PCGF5: variants seen among roughly 807,000 people sequenced by gnomAD.
PCGF5 encodes the protein polycomb group ring finger 5.
A neutral mutation model predicts 44.3 loss-of-function variants in PCGF5; 9 were observed. That is an observed-to-expected ratio of 0.20 (90% CI 0.12 to 0.35). The LOEUF (loss-of-function observed/expected upper bound fraction) is 0.35. Among genes scored for constraint, PCGF5 ranks in the 10% least tolerant of loss-of-function variants. The probability of loss-of-function intolerance (pLI) is 1.00; values close to 1 mark genes in which losing one functional copy is unlikely to be tolerated. For missense variants in PCGF5, 146 were observed against 305.3 expected, an observed-to-expected ratio of 0.48 and a Z score of 3.89; for synonymous variants, 95 against 102.5, an observed-to-expected ratio of 0.93 and a Z score of 0.44.
upstream of PCGF5, among the ~76,000 whole-genome samples, chr10:91,161,972 G>T (rs556660406): frequency 1.2e-4 from 18 of 152,100 alleles, no homozygotes; most frequent in African/African-American, 4.3e-4. Flanking sequence ...CCACAAGGGG[G>T]GATTCTGCTT....
At chr10:91,203,353 AACTT>A (rs145689366) in intron 1 of PCGF5, among the ~76,000 whole-genome samples, 17,811 of 152,036 alleles carry the variant, frequency 0.12, 2,934 homozygotes, top group African/African-American at 0.38. Context: ...TCCTTTGTTT[AACTT>A]ACTTTTTATT....
chr10:91,272,273 G>C (rs1009999846), intron 9 of PCGF5, among the ~76,000 whole-genome samples: 5 of 152,180 alleles, frequency 3.3e-5, no homozygotes, highest in Admixed American at 2.0e-4. Context: ...CAAGGGTATA[G>C]TAAAGATTAT....
At chr10:91,225,217 A>G (rs190100527) in intron 2 of PCGF5, among the ~76,000 whole-genome samples, 54 of 147,856 alleles carry the variant, frequency 3.7e-4, no homozygotes, top group Middle Eastern at 3.6e-3. Context: ...TATATCATAT[A>G]TTTGATATAT....
At chr10:91,241,549 T>C (rs1845327644) in intron 3 of PCGF5, among the ~76,000 whole-genome samples, 1 of 152,146 alleles carries the variant, frequency 6.6e-6, no homozygotes, top group Non-Finnish European at 1.5e-5. Flanking sequence ...CATTTCATTG[T>C]TCCCACCATA....
At chr10:91,273,619 C>G (rs1846235669) in intron 9 of PCGF5, among the ~76,000 whole-genome samples, 1 of 152,038 alleles carries the variant, frequency 6.6e-6, no homozygotes, top group Non-Finnish European at 1.5e-5. Context: ...TGAATTCTCT[C>G]TAATTTTCAA....
At chr10:91,249,280 T>C (rs1845556296) in intron 5 of PCGF5, among the ~76,000 whole-genome samples, 1 of 151,240 alleles carries the variant, frequency 6.6e-6, no homozygotes, top group Admixed American at 6.6e-5. Context: ...AGATTTCTCC[T>C]CTGGGTCCCA....
intron 1 of PCGF5, among the ~76,000 whole-genome samples, chr10:91,194,750 TAGAGA>T (rs796105943): frequency 3.3e-5 from 5 of 152,086 alleles, no homozygotes; most frequent in African/African-American, 1.2e-4. Context: ...TAAGTAGAGA[TAGAGA>T]AGAGAAGAGG....
At chr10:91,264,617 C>A in intron 8 of PCGF5, 97 bp downstream of exon 8, 1 of 928,380 alleles carries the variant, frequency 1.1e-6, no homozygotes, top group Non-Finnish European at 1.6e-6. Flanking sequence ...GACAAACTAG[C>A]TTGGGAAGGA....
At position 91,222,726 on chromosome 10, in the gene PCGF5, A is replaced by T; in HGVS notation, c.-146A>T. The T allele has an allele frequency of 1.9e-6, 1 of 526,212 alleles. No individual in the cohort carries two copies. The highest frequency in any genetic ancestry group is 3.4e-6 in the Non-Finnish European group (1 of 293,540). 32.6% of individuals were successfully genotyped at this position (526,212 alleles called of 1,614,324 possible). On this transcript the variant is annotated 5_prime_UTR_variant, in exon 2 of 10. Transcript: ENST00000336126. Reference sequence around the variant, plus strand: ...GGAACCACCAAAAGGAGTGATGATCAACGATCTCATGATAAATCTGGATGC... The same window carrying T: ...GGAACCACCAAAAGGAGTGATGATCTACGATCTCATGATAAATCTGGATGC...
upstream of PCGF5, among the ~76,000 whole-genome samples, chr10:91,159,061 T>C (rs1382580576): frequency 1.3e-5 from 2 of 152,136 alleles, no homozygotes; most frequent in Non-Finnish European, 2.9e-5. Flanking sequence ...AAATTGGAGC[T>C]AGAAAGATAA....
intron 1 of PCGF5, among the ~76,000 whole-genome samples, chr10:91,176,667 C>T (rs1330361208): frequency 1.3e-5 from 2 of 152,168 alleles, no homozygotes; most frequent in South Asian, 2.1e-4. Flanking sequence ...GATCTTCCAT[C>T]ACTGATACCC....
intron 1 of PCGF5, among the ~76,000 whole-genome samples, chr10:91,191,070 G>C (rs570555413): frequency 6.6e-6 from 1 of 152,218 alleles, no homozygotes; most frequent in South Asian, 2.1e-4. Flanking sequence ...CCCCTAGTGG[G>C]TGCCTGATAC....
At chr10:91,170,750 T>C (rs991193381) in intron 1 of PCGF5, among the ~76,000 whole-genome samples, 14 of 152,234 alleles carry the variant, frequency 9.2e-5, no homozygotes, top group Non-Finnish European at 1.9e-4. Context: ...CCAGCAGTTG[T>C]GTCCTTTGGT....
chr10:91,244,644 AT>A lies in PCGF5; in HGVS notation c.210-3859del, dbSNP rs200127654. 5.2e-3 allele frequency among the ~76,000 whole-genome samples: 787 copies of A among 152,320 alleles called. 8 individuals carry two copies. Among genetic ancestry groups the A allele is most frequent in the African/African-American group, 0.018 (743 of 41,584 alleles). ...AAGCAGGGAGAACAGTTAGAAAGTA[AT>A]TGCAATGACCCTGGTGAGCGGTGGT... On this transcript the variant is annotated intron_variant, in intron 3 of 9. Coordinates refer to ENST00000336126, the MANE Select transcript of PCGF5 (RefSeq NM_032373.5).
chr10:91,216,110 G>A (rs927873613), upstream of PCGF5, among the ~76,000 whole-genome samples: 3 of 152,210 alleles, frequency 2.0e-5, no homozygotes, highest in African/African-American at 7.2e-5. Flanking sequence ...GATCCACTGG[G>A]CTTACACTCT....
intron 6 of PCGF5, among the ~76,000 whole-genome samples, chr10:91,254,466 G>A (rs773583615): frequency 2.6e-5 from 4 of 151,934 alleles, no homozygotes; most frequent in Non-Finnish European, 5.9e-5. Flanking sequence ...CTGTCAATTA[G>A]GGATTAGTTT....
chr10:91,254,138 C>CA (rs762235678), intron 6 of PCGF5, among the ~76,000 whole-genome samples: 1 of 151,800 alleles, frequency 6.6e-6, no homozygotes, highest in Non-Finnish European at 1.5e-5. Context: ...ATCGTCCTTT[C>CA]AAAACAAGTG....
chr10:91,179,463 C>T (rs1297728859), intron 1 of PCGF5, among the ~76,000 whole-genome samples: 2 of 152,050 alleles, frequency 1.3e-5, no homozygotes, highest in African/African-American at 4.8e-5. Context: ...AAGCCTAGTA[C>T]CCATTAGTTG....
intron 1 of PCGF5, among the ~76,000 whole-genome samples, chr10:91,177,835 C>T (rs1843739353): frequency 6.6e-6 from 1 of 152,200 alleles, no homozygotes; most frequent in African/African-American, 2.4e-5. Flanking sequence ...AAGGGAATTC[C>T]CTGACCCCTT....
Sources: allele counts gnomAD v4.1 joint callset (sites outside exome capture counted in the v4.1 genomes callset), GRCh38; gene constraint gnomAD v4.1.1; transcripts MANE v1.5; gene names NCBI Gene and HGNC (gene_info 2026-07-23, HGNC 2026-07-21).